NEBL: variants seen among roughly 807,000 people sequenced by gnomAD.
The protein encoded by NEBL is LIM and SH3 protein 2.
In NEBL, 122 loss-of-function variants were observed where a neutral mutation model predicts 140.2. The observed-to-expected ratio is 0.87, with a 90% CI of 0.75 to 1.01. NEBL has a LOEUF of 1.01. NEBL is among the 50% of genes least tolerant of loss of function. NEBL has a pLI of 0.00. For missense variants in NEBL, 1,365 were observed against 1,231.3 expected, an observed-to-expected ratio of 1.11 and a Z score of -1.62; for synonymous variants, 436 against 398.9, an observed-to-expected ratio of 1.09 and a Z score of -1.11.
chr10:20,949,576 C>T (rs918602050), intron 4 of NEBL, among the ~76,000 whole-genome samples: 3 of 152,078 alleles, frequency 2.0e-5, no homozygotes, highest in East Asian at 1.9e-4. Flanking sequence ...CATTGAAAAT[C>T]GAAATAGTAA....
chr10:21,001,168 G>A (rs982781204), intron 3 of NEBL, among the ~76,000 whole-genome samples: 3 of 152,160 alleles, frequency 2.0e-5, no homozygotes, highest in Admixed American at 2.0e-4. Flanking sequence ...AGACTCTATT[G>A]CCTGCTTCCC....
At chr10:20,883,553 T>C (rs1466975911) in intron 4 of NEBL, among the ~76,000 whole-genome samples, 1 of 152,242 alleles carries the variant, frequency 6.6e-6, no homozygotes, top group Non-Finnish European at 1.5e-5. Flanking sequence ...AGGAGTTTCA[T>C]GGGTACCCAA....
chr10:21,140,309 C>A, intron 2 of NEBL, among the ~76,000 whole-genome samples: 1 of 152,118 alleles, frequency 6.6e-6, no homozygotes, highest in East Asian at 1.9e-4. Context: ...ATTAGAATGT[C>A]TGGAAGAATG....
At chr10:21,040,741 T>A (rs925157130) in intron 2 of NEBL, among the ~76,000 whole-genome samples, 1 of 152,140 alleles carries the variant, frequency 6.6e-6, no homozygotes, top group African/African-American at 2.4e-5. Context: ...TAATCCCCAA[T>A]GTTGGAGAAG....
chr10:20,893,174 C>A (rs948381736), intron 2 of NEBL, among the ~76,000 whole-genome samples: 3 of 152,164 alleles, frequency 2.0e-5, no homozygotes, highest in African/African-American at 7.2e-5. Flanking sequence ...GCCTAATCTA[C>A]AAGAAACATA....
intron 3 of NEBL, among the ~76,000 whole-genome samples, chr10:21,226,085 C>A (rs1021165095): frequency 6.6e-6 from 1 of 152,008 alleles, no homozygotes; most frequent in Admixed American, 6.6e-5. Flanking sequence ...GGCCCAAGGG[C>A]TCTTTAGTCA....
intron 3 of NEBL, among the ~76,000 whole-genome samples, chr10:21,241,094 C>T (rs1842432899): frequency 1.3e-5 from 2 of 151,842 alleles, no homozygotes; most frequent in Admixed American, 1.3e-4. Context: ...GGAGTTCTTC[C>T]CAGATTGAAA....
intron 1 of NEBL, among the ~76,000 whole-genome samples, chr10:21,260,475 T>C (rs1305557623): frequency 6.6e-6 from 1 of 152,242 alleles, no homozygotes; most frequent in African/African-American, 2.4e-5. Flanking sequence ...TCTTTTTCTT[T>C]TTGCCTTGCC....
intron 3 of NEBL, among the ~76,000 whole-genome samples, chr10:21,222,994 C>T (rs910529990): frequency 2.6e-5 from 4 of 152,232 alleles, no homozygotes; most frequent in Non-Finnish European, 5.9e-5. Flanking sequence ...AACTCCTAAC[C>T]TCAGGTGATC....
At chr10:21,083,393 C>A (rs1486422620) in intron 2 of NEBL, among the ~76,000 whole-genome samples, 1 of 152,174 alleles carries the variant, frequency 6.6e-6, no homozygotes, top group Non-Finnish European at 1.5e-5. Context: ...GTAGCAGCAC[C>A]CCACCTCCTT....
intron 2 of NEBL, among the ~76,000 whole-genome samples, chr10:21,091,089 G>T (rs548858649): frequency 1.3e-5 from 2 of 152,144 alleles, no homozygotes; most frequent in South Asian, 4.1e-4. Context: ...GGATTCGTCT[G>T]TGTATTTCCT....
Position 20,845,331 on chromosome 10 carries a change from C to G in NEBL, c.1154G>C (p.Gly385Ala). 1 of 1,603,950 alleles carries G rather than the reference C, an allele frequency of 6.2e-7. No homozygotes were observed. Among genetic ancestry groups the G allele is most frequent in the Non-Finnish European group, 8.5e-7 (1 of 1,171,226 alleles). ...YKEDFEKEIKGRSSLDLDKTP... is the reference protein window; with the variant it reads ...YKEDFEKEIKARSSLDLDKTP... ...CTTGTCTAAATCCAGTGATGACCTT[C>G]CTTTAATCTCCTTCTCAAAATCCTC... Residue 385 changes from glycine to alanine, a missense_variant, in exon 12 of 28, where the codon GGA becomes GCA. By Grantham distance (60) the Gly-to-Ala change is moderately conservative. This residue lies in a region of NEBL where 1,323 missense variants were observed against 1,154.8 expected (regional missense o/e 1.15). Transcript: ENST00000377122.
chr10:21,200,976 G>C (rs1278268184), intron 3 of NEBL, among the ~76,000 whole-genome samples: 1 of 151,962 alleles, frequency 6.6e-6, no homozygotes, highest in African/African-American at 2.4e-5. Context: ...TGTAGTTCCA[G>C]CTACTCAGGA....
chr10:21,176,300 G>A (rs145528114), upstream of NEBL, among the ~76,000 whole-genome samples: 41 of 152,228 alleles, frequency 2.7e-4, no homozygotes, highest in East Asian at 7.7e-3. Context: ...ACCACACCCA[G>A]ATACATTTTA....
chr10:21,291,245 C>T (rs1253559419), intron 1 of NEBL, among the ~76,000 whole-genome samples: 1 of 152,076 alleles, frequency 6.6e-6, no homozygotes, highest in Non-Finnish European at 1.5e-5. Flanking sequence ...GTGGCTCACA[C>T]CTATAATCCC....
chr10:21,182,423 G>A (rs1446411792), intron 3 of NEBL, among the ~76,000 whole-genome samples: 2 of 152,102 alleles, frequency 1.3e-5, no homozygotes, highest in East Asian at 3.8e-4. Context: ...CTGCAATGAG[G>A]TATTATCGTG....
chr10:21,143,724 G>A (rs570505093), intron 2 of NEBL, among the ~76,000 whole-genome samples: 2 of 152,130 alleles, frequency 1.3e-5, no homozygotes, highest in African/African-American at 2.4e-5. Context: ...GATTCCCTAC[G>A]TGTTCAATAA....
At chr10:20,991,425 A>C (rs1386489211) in intron 3 of NEBL, among the ~76,000 whole-genome samples, 2 of 152,226 alleles carry the variant, frequency 1.3e-5, no homozygotes, top group Non-Finnish European at 2.9e-5. Context: ...AATTTTGAAC[A>C]AAATTTAAAT....
rs188791997 is a variant in NEBL at position 20,802,066 on chromosome 10, A to G, written c.2761+6444T>C. On this transcript the variant is annotated intron_variant, in intron 26 of 27. Coordinates refer to ENST00000377122, the MANE Select transcript of NEBL (RefSeq NM_006393.3). ...TTACGTTTTCCGGAGGAAAACAGAA[A>G]CACATAGCATACCTGAAGCAAAACT... 1.6e-4 allele frequency among the ~76,000 whole-genome samples: 25 copies of G among 152,328 alleles called. No individual in the cohort carries two copies. In the East Asian group the frequency reaches 4.0e-3, roughly 25 times the overall value.
Sources: allele counts gnomAD v4.1 joint callset (sites outside exome capture counted in the v4.1 genomes callset), GRCh38; gene constraint gnomAD v4.1.1; regional missense constraint gnomAD v4.1.1; transcripts MANE v1.5; gene names NCBI Gene and HGNC (gene_info 2026-07-23, HGNC 2026-07-21).